NECTIN1: variants seen among roughly 807,000 people sequenced by gnomAD.
NECTIN1 encodes nectin-1.
Under a neutral mutation model 48.0 loss-of-function variants are expected in NECTIN1, and 23 were observed. The observed-to-expected ratio is 0.48, with a 90% confidence interval of 0.34 to 0.68. The LOEUF (loss-of-function observed/expected upper bound fraction) is 0.68, where lower values mean the gene tolerates loss of function less well. Ranked by LOEUF, NECTIN1 falls within the 30% of genes least tolerant of loss-of-function variation. The pLI is 0.01. For synonymous variants in NECTIN1, 270 were observed against 288.9 expected (o/e 0.93, Z 0.66); for missense variants, 591 against 709.9 (o/e 0.83, Z 1.90).
In NECTIN1 at chr11:119,664,393, G is replaced by A; in HGVS notation, c.*354C>T. The A allele has an allele frequency of 1.9e-6, 2 of 1,074,142 alleles. No individual in the cohort carries two copies. The highest frequency in any genetic ancestry group is 3.8e-5 in the South Asian group (1 of 26,544). 66.5% of individuals were successfully genotyped at this position (1,074,142 alleles called of 1,614,324 possible). ...CACAAACAAATTCCAGTGTAGGGGG[G>A]CGGGGGAGGCTGGCTCCCCAAACCC... On this transcript the variant is annotated 3_prime_UTR_variant, in exon 6 of 6. Coordinates refer to ENST00000264025, the MANE Select transcript of NECTIN1 (RefSeq NM_002855.5).
chr11:119,658,660 A>G (rs1864614248), downstream of NECTIN1, among the ~76,000 whole-genome samples: 1 of 152,180 alleles, frequency 6.6e-6, no homozygotes, highest in Non-Finnish European at 1.5e-5. Flanking sequence ...TTCCCCGATG[A>G]GCCCCATCTG....
chr11:119,713,588 C>T (rs1279494655), intron 1 of NECTIN1: 3 of 240,432 alleles, frequency 1.2e-5, no homozygotes, highest in African/African-American at 2.4e-5. Context: ...CTTATCTCCT[C>T]TTATCTCCAG....
rs1865095281 is a variant in NECTIN1, at chr11:119,683,446, T to C, written c.80-4681A>G. Among the ~76,000 whole-genome samples, 1 of 152,114 alleles carries C rather than the reference T, an allele frequency of 6.6e-6. No individual in the cohort carries two copies. The highest frequency in any genetic ancestry group is 1.5e-5 in the Non-Finnish European group (1 of 68,018). On this transcript the variant is annotated intron_variant, in intron 1 of 5. Coordinates refer to ENST00000264025, the MANE Select transcript of NECTIN1 (RefSeq NM_002855.5). The surrounding 1 kb of genome is among the most constrained non-coding windows in gnomAD (Gnocchi z 4.0). ...TGTCCCTCCTAGAATATAACCTCAG[T>C]GCCTCCATTGCCCCTTGTGAGAAAT...
intron 1 of NECTIN1, among the ~76,000 whole-genome samples, chr11:119,685,793 T>C (rs1865144498): frequency 1.3e-5 from 2 of 152,224 alleles, no homozygotes; most frequent in African/African-American, 4.8e-5. Context: ...TCTGCTCACC[T>C]GGACACTGAG....
chr11:119,642,823 A>C (rs1398587877), intron 5 of NECTIN1: 1 of 153,690 alleles, frequency 6.5e-6, no homozygotes, highest in African/African-American at 2.4e-5. Flanking sequence ...ATGCTGTGTA[A>C]ATGGTTGTAA....
intron 5 of NECTIN1, chr11:119,674,358 T>TTAA: frequency 2.1e-6 from 3 of 1,431,930 alleles, no homozygotes; most frequent in Non-Finnish European, 2.7e-6. Context: ...GATGCTTCCA[T>TTAA]TAATAATAAT....
intron 1 of NECTIN1, among the ~76,000 whole-genome samples, chr11:119,722,352 G>C (rs1865845581): frequency 6.6e-6 from 1 of 152,236 alleles, no homozygotes. Flanking sequence ...TGAGAAGGAG[G>C]TGACCCCAGC....
chr11:119,697,360 A>T (rs4936493), intron 1 of NECTIN1, among the ~76,000 whole-genome samples: 56,549 of 152,016 alleles, frequency 0.37, 11,014 homozygotes, highest in East Asian at 0.54. Flanking sequence ...TCCCATCAGC[A>T]CGGTTGGCAT....
chr11:119,664,534 C>T lies in NECTIN1; in HGVS notation c.*213G>A. The T allele has an allele frequency of 2.1e-6, 3 of 1,422,934 alleles. No individual in the cohort carries two copies. The highest frequency in any genetic ancestry group is 2.7e-6 in the Non-Finnish European group (3 of 1,092,516). The allele number at this position is 1,422,934 out of a possible 1,614,324, so 88.1% of individuals were successfully genotyped here. A position where few individuals can be genotyped will look rare whatever the true frequency, so the allele number is the denominator to read the frequency against. ...CTAAAGCCACAGTCGAACACAACAC[C>T]ATGGGGAAGGGCGGAGGAGAGGGAG... On this transcript the variant is annotated 3_prime_UTR_variant, in exon 6 of 6. Transcript: ENST00000264025.
intron 1 of NECTIN1, among the ~76,000 whole-genome samples, chr11:119,704,457 TC>T (rs1457814889): frequency 6.6e-6 from 1 of 152,140 alleles, no homozygotes; most frequent in Non-Finnish European, 1.5e-5. Flanking sequence ...CCTCAAGTGA[TC>T]CACCCGCCTC....
At position 119,677,008 on chromosome 11, in the gene NECTIN1, C is replaced by T. The variant is rs765689772; in HGVS notation, c.851+94G>A. The T allele has an allele frequency of 9.0e-7, 1 of 1,117,260 alleles. No individual in the cohort carries two copies. Among genetic ancestry groups the T allele is most frequent in the Non-Finnish European group, 1.4e-6 (1 of 730,044 alleles). The allele number at this position is 1,117,260 out of a possible 1,614,324, so 69.2% of individuals were successfully genotyped here. On this transcript the variant is annotated intron_variant, in intron 4 of 5. Coordinates refer to ENST00000264025, the MANE Select transcript of NECTIN1 (RefSeq NM_002855.5). The surrounding 1 kb of genome is among the most constrained non-coding windows in gnomAD (Gnocchi z 5.4). ...AGCCCAGACCCTAATTTCTTCCCTG[C>T]CTAAAGGCTCCTGGAGGTAGGATGG...
chr11:119,658,662 C>G (rs981350039), downstream of NECTIN1, among the ~76,000 whole-genome samples: 1 of 152,198 alleles, frequency 6.6e-6, no homozygotes, highest in Non-Finnish European at 1.5e-5. Flanking sequence ...CCCCGATGAG[C>G]CCCATCTGAC....
rs563219981 is a variant in NECTIN1, at chr11:119,709,706, A to G, written c.79+18769T>C. ...GAGAGTGATGCTCGGGGACTCCCCA[A>G]CTCTCAGGCAGGGAACAGCTTTATT... On this transcript the variant is annotated intron_variant, in intron 1 of 5. Transcript: ENST00000264025. This position sits in a 1 kb window ranked among gnomAD's most constrained non-coding sequence, Gnocchi z 4.1. Among the ~76,000 whole-genome samples, 17 of 152,114 alleles carry G rather than the reference A, an allele frequency of 1.1e-4. No homozygotes were observed. The East Asian group carries it at 2.5e-3, about 22-fold the overall frequency.
At chr11:119,670,344 C>G (rs1864844841) in intron 5 of NECTIN1, among the ~76,000 whole-genome samples, 1 of 152,176 alleles carries the variant, frequency 6.6e-6, no homozygotes, top group South Asian at 2.1e-4. Flanking sequence ...GACTTTTTGT[C>G]TGTTTTGCTC....
In NECTIN1 at chr11:119,663,590, G is replaced by A; in HGVS notation, c.*1157C>T. 5.1e-6 allele frequency: 5 copies of A among 985,648 alleles called. No individual in the cohort carries two copies. The highest frequency in any genetic ancestry group is 6.0e-6 in the Non-Finnish European group (5 of 829,978). 61.1% of individuals were successfully genotyped at this position (985,648 alleles called of 1,614,324 possible). ...CTCGGACTGTGTTTGCAGAGCTTCT[G>A]CCATGTGGGCTTCCTTCCCCACTAC... On this transcript the variant is annotated 3_prime_UTR_variant, in exon 6 of 6. Transcript: ENST00000264025.
rs1864285044 is a variant in NECTIN1 at position 119,639,200 on chromosome 11, CAT to C, written c.1152-396_1152-395del. Among the ~76,000 whole-genome samples, 4 of 152,260 alleles carry C rather than the reference CAT, an allele frequency of 2.6e-5. No individual in the cohort carries two copies. The South Asian group carries it at 8.3e-4, about 32-fold the overall frequency. ...GCCTTAGCCAGCACGGGAAATAACACATGATGCAAGATTTTAAAGATGAAAAT... is the reference window on the plus strand; with the variant it reads ...GCCTTAGCCAGCACGGGAAATAACACGATGCAAGATTTTAAAGATGAAAAT... On this transcript the variant is annotated intron_variant, in intron 6 of 7. Transcript: ENST00000341398.
chr11:119,690,249 A>G (rs929882691), intron 1 of NECTIN1, among the ~76,000 whole-genome samples: 1 of 152,116 alleles, frequency 6.6e-6, no homozygotes, highest in Admixed American at 6.5e-5. Flanking sequence ...ACAACCATGG[A>G]CTGAGACCCC....
At position 119,727,973 on chromosome 11, in the gene NECTIN1, C is replaced by T. The variant is rs1410409142; in HGVS notation, c.79+502G>A. ...GCGCCCGCTGTGGGGCGGTGTGGGGCGGGAGGGGGCCCGAGCGTCCTGAGC... is the reference window on the plus strand; with the variant it reads ...GCGCCCGCTGTGGGGCGGTGTGGGGTGGGAGGGGGCCCGAGCGTCCTGAGC... On this transcript the variant is annotated intron_variant, in intron 1 of 5. Transcript: ENST00000264025. This position sits in a 1 kb window ranked among gnomAD's most constrained non-coding sequence, Gnocchi z 4.1. Among the ~76,000 whole-genome samples, 5 of 152,084 alleles carry T rather than the reference C, an allele frequency of 3.3e-5. No individual in the cohort carries two copies. The highest frequency in any genetic ancestry group is 5.9e-5 in the Non-Finnish European group (4 of 68,002).
intron 1 of NECTIN1, among the ~76,000 whole-genome samples, chr11:119,682,428 A>G (rs551780455): frequency 5.3e-5 from 8 of 152,196 alleles, no homozygotes; most frequent in Non-Finnish European, 7.4e-5. Flanking sequence ...AGCCTTGACA[A>G]CCTGAAAGCT....
Sources: allele counts gnomAD v4.1 joint callset (sites outside exome capture counted in the v4.1 genomes callset), GRCh38; gene constraint gnomAD v4.1.1; non-coding constraint Gnocchi (gnomAD v3.1); transcripts MANE v1.5; gene names NCBI Gene and HGNC (gene_info 2026-07-23, HGNC 2026-07-21).